Variants in DENND1C observed in about 807,000 individuals in gnomAD.
The protein encoded by DENND1C is DENN domain containing 1C.
DENND1C carries 64 observed loss-of-function variants against 87.9 expected under a neutral mutation model. That is an observed-to-expected ratio of 0.73 (90% CI 0.60 to 0.90). The LOEUF is 0.90. Ranked by LOEUF, DENND1C falls within the 40% of genes least tolerant of loss-of-function variation. The probability of loss-of-function intolerance (pLI) is 0.00; values close to 1 mark genes in which losing one functional copy is unlikely to be tolerated. For synonymous variants in DENND1C, 384 were observed against 424.4 expected (o/e 0.90, Z 1.17); for missense variants, 980 against 1,037.0 (o/e 0.95, Z 0.76).
At chr19:6,470,507 A>T in intron 17 of DENND1C, 141 bp from the exon 18 acceptor site, 1 of 771,418 alleles carries the variant, frequency 1.3e-6, no homozygotes, top group South Asian at 1.7e-5. Context: ...GATCGTAGTC[A>T]TGACCCTACC....
In DENND1C at chr19:6,475,941, G is replaced by A. The variant is rs773852838; in HGVS notation, c.679-4C>T. ...ACGCGTGGACGCACGAGGTCAGCTG[G>A]GGAGCGATGGCGGGGCGTGGAGTCA... On this transcript the variant is annotated splice_polypyrimidine_tract_variant and splice_region_variant and intron_variant, in intron 10 of 22. Transcript: ENST00000381480. 1.3e-6 allele frequency: 2 copies of A among 1,555,228 alleles called. No individual in the cohort carries two copies. Among genetic ancestry groups the A allele is most frequent in the Non-Finnish European group, 1.7e-6 (2 of 1,160,428 alleles).
chr19:6,471,605 GC>G, intron 15 of DENND1C, 109 bp from the exon 16 acceptor site: 1 of 990,892 alleles, frequency 1.0e-6, no homozygotes, highest in Non-Finnish European at 1.4e-6. Flanking sequence ...CCTCCAACCT[GC>G]CCACCCCCAA....
chr19:6,469,140 T>C (rs569376203), intron 19 of DENND1C, among the ~76,000 whole-genome samples, 187 bp from the exon 20 acceptor site: 1 of 152,260 alleles, frequency 6.6e-6, no homozygotes, highest in South Asian at 2.1e-4. Flanking sequence ...CAAGCGATTC[T>C]CATGCCTCAG....
rs934262031 is a variant in DENND1C, at chr19:6,471,296, C to G, written c.1259G>C (p.Arg420Pro). ...ATTGTCGGCCCAGAGCTGATAGGATCGAAGGGCCCCTGGGGTAAGGAGAGA... is the reference window on the plus strand; with the variant it reads ...ATTGTCGGCCCAGAGCTGATAGGATGGAAGGGCCCCTGGGGTAAGGAGAGA... ...TGCGASSGALRSYQLWADNLK... is the reference protein window; with the variant it reads ...TGCGASSGALPSYQLWADNLK... The change falls in exon 17 of 23, where the codon CGA becomes CCA. Residue 420 changes from arginine (R) to proline (P), a missense_variant. Transcript: ENST00000381480. 5 of 1,598,010 alleles carry G rather than the reference C, an allele frequency of 3.1e-6. No homozygotes were observed. Among genetic ancestry groups the G allele is most frequent in the South Asian group, 1.1e-5 (1 of 88,444 alleles).
chr19:6,474,689 C>T (rs535368477), intron 14 of DENND1C, among the ~76,000 whole-genome samples: 3 of 152,048 alleles, frequency 2.0e-5, no homozygotes, highest in African/African-American at 4.8e-5. Flanking sequence ...CTATTGGGGT[C>T]CCATTTTACA....
rs372856663 is a variant in DENND1C at position 6,477,260 on chromosome 19, G to A, written c.471C>T (p.Ser157=). 172 of 1,584,840 alleles carry A rather than the reference G, an allele frequency of 1.1e-4. No homozygotes were observed. In the African/African-American group the frequency reaches 2.0e-3, roughly 19 times the overall value. ...LELGSGVTVS[S]GQGIPPPTRG... is the part of the protein sequence containing the mutation. Reference sequence around the variant, plus strand: ...GGGTAGGGGGGGGGATACCCTGCCCGCTGGAGACCGTCACTCCGCTGCCCT... The same window carrying A: ...GGGTAGGGGGGGGGATACCCTGCCCACTGGAGACCGTCACTCCGCTGCCCT... The change falls in exon 8 of 23, where the codon AGC becomes AGT. Residue 157 remains serine, a synonymous_variant. Coordinates refer to ENST00000381480, the MANE Select transcript of DENND1C (RefSeq NM_024898.4).
intron 14 of DENND1C, among the ~76,000 whole-genome samples, chr19:6,473,891 A>C (rs1317384315): frequency 1.3e-5 from 2 of 151,986 alleles, no homozygotes; most frequent in African/African-American, 4.8e-5. Flanking sequence ...CTGGGAGATA[A>C]AGCAGAGGGC....
In DENND1C at chr19:6,468,663, G is replaced by C. The variant is rs369454469; in HGVS notation, c.1516-18C>G. The C allele has an allele frequency of 4.8e-6, 7 of 1,468,970 alleles. No homozygotes were observed. Among genetic ancestry groups the C allele is most frequent in the Non-Finnish European group, 6.3e-6 (7 of 1,110,666 alleles). 91.0% of individuals were successfully genotyped at this position (1,468,970 alleles called of 1,614,324 possible). ...GGCCGGTTCTGCAAAGGGTGGGGGC[G>C]ATAGGACCTCAGGAGACTGCAGAAT... On this transcript the variant is annotated intron_variant, in intron 20 of 22. Transcript: ENST00000381480.
intron 15 of DENND1C, 53 bp downstream of exon 15, chr19:6,472,836 G>T: frequency 2.2e-6 from 3 of 1,394,198 alleles, no homozygotes; most frequent in Non-Finnish European, 2.8e-6. Context: ...AAGCCCTCGG[G>T]GACTCAGCAG....
At chr19:6,469,832 C>A in intron 18 of DENND1C, 192 bp from the exon 19 acceptor site, 1 of 596,684 alleles carries the variant, frequency 1.7e-6, no homozygotes. Context: ...AATGAGTATT[C>A]CTGGAGGCAG....
chr19:6,468,480 C>T (rs1250396480), intron 21 of DENND1C, 39 bp from the exon 22 acceptor site: 2 of 1,587,710 alleles, frequency 1.3e-6, no homozygotes, highest in Non-Finnish European at 1.7e-6. Flanking sequence ...TTGCCCAAGA[C>T]CCCCAGCCCT....
Position 6,475,464 on chromosome 19 carries a change from G to A in DENND1C, c.927+20C>T. 1 of 1,613,788 alleles carries A rather than the reference G, an allele frequency of 6.2e-7. No homozygotes were observed. Among genetic ancestry groups the A allele is most frequent in the Non-Finnish European group, 8.5e-7 (1 of 1,179,830 alleles). ...GCCCCTCGCCTCCCGGGGCAGGAAG[G>A]TGGGAGGGGCGACACTGACCACGTC... On this transcript the variant is annotated intron_variant, in intron 13 of 22. Coordinates refer to ENST00000381480, the MANE Select transcript of DENND1C (RefSeq NM_024898.4).
chr19:6,469,006 C>T (rs977510866), intron 19 of DENND1C, 53 bp from the exon 20 acceptor site: 5 of 1,079,902 alleles, frequency 4.6e-6, no homozygotes, highest in Non-Finnish European at 6.1e-6. Context: ...TCCCCACCAC[C>T]CCCTACCATT....
Position 6,479,028 on chromosome 19 carries a change from A to C in DENND1C, c.205T>G (p.Phe69Val), listed in dbSNP as rs2092880568. The C allele has an allele frequency of 6.2e-7, 1 of 1,613,694 alleles. No individual in the cohort carries two copies. The highest frequency in any genetic ancestry group is 1.7e-5 in the Admixed American group (1 of 59,978). The change falls in exon 5 of 23, where the codon TTC becomes GTC. Residue 69 changes from phenylalanine to valine, a missense_variant. Coordinates refer to ENST00000381480, the MANE Select transcript of DENND1C (RefSeq NM_024898.4). ...REPPSPAVQHFTFALTDLAGN... is the reference protein window; with the variant it reads ...REPPSPAVQHVTFALTDLAGN... ...GCAAGGTCTGTGAGGGCGAAGGTGAAATGCTGCACGGCGGGGCTGGGGGGC... is the reference window on the plus strand; with the variant it reads ...GCAAGGTCTGTGAGGGCGAAGGTGACATGCTGCACGGCGGGGCTGGGGGGC...
intron 6 of DENND1C, 148 bp from the exon 7 acceptor site, chr19:6,477,606 T>TTAA (rs59685749): frequency 0.027 from 5,022 of 183,372 alleles, 316 homozygotes; most frequent in African/African-American, 0.13. Context: ...TTAAAAGAAA[T>TTAA]TAATAATAAT....
chr19:6,478,732 G>A (rs536995091), intron 6 of DENND1C, 51 bp downstream of exon 6: 14 of 1,564,190 alleles, frequency 9.0e-6, no homozygotes, highest in Middle Eastern at 1.8e-4. Flanking sequence ...GGGAGGTTGA[G>A]GGGGGTGGGG....
intron 19 of DENND1C, among the ~76,000 whole-genome samples, 194 bp from the exon 20 acceptor site, chr19:6,469,147 T>G (rs1298788903): frequency 6.6e-6 from 1 of 152,076 alleles, no homozygotes; most frequent in African/African-American, 2.4e-5. Context: ...TTCTCATGCC[T>G]CAGCTTCCCA....
intron 6 of DENND1C, 148 bp from the exon 7 acceptor site, chr19:6,477,606 T>TTTAATAATAATAATAA (rs1555750108): frequency 5.5e-6 from 1 of 181,654 alleles, no homozygotes; most frequent in East Asian, 7.6e-5. Context: ...TTAAAAGAAA[T>TTTAATAATAATAATAA]TAATAATAAT....
At chr19:6,477,534 T>A in intron 6 of DENND1C, 76 bp from the exon 7 acceptor site, 1 of 1,409,414 alleles carries the variant, frequency 7.1e-7, no homozygotes, top group African/African-American at 1.4e-5. Flanking sequence ...ATGACTAAGG[T>A]TGAGTGGTCT....
Sources: allele counts gnomAD v4.1 joint callset (sites outside exome capture counted in the v4.1 genomes callset), GRCh38; gene constraint gnomAD v4.1.1; transcripts MANE v1.5; gene names NCBI Gene and HGNC (gene_info 2026-07-23, HGNC 2026-07-21).